Variants in CRACDL observed in about 807,000 individuals in gnomAD.
CRACDL encodes CRACD like.
In CRACDL, 26 loss-of-function variants were observed where a neutral mutation model predicts 70.6. The ratio of observed to expected loss-of-function variants is 0.37; its 90% confidence interval spans 0.27 to 0.51. The LOEUF (loss-of-function observed/expected upper bound fraction) is 0.51, where lower values mean the gene tolerates loss of function less well. Ranked by LOEUF, CRACDL falls within the 20% of genes least tolerant of loss-of-function variation. CRACDL has a pLI of 0.94. For synonymous variants in CRACDL, 618 were observed against 615.2 expected, an observed-to-expected ratio of 1.00 and a Z score of -0.07; for missense variants, 1,283 against 1,376.9, an observed-to-expected ratio of 0.93 and a Z score of 1.08.
intron 7 of CRACDL, among the ~76,000 whole-genome samples, chr2:98,812,098 C>G (rs961879010): frequency 6.6e-6 from 1 of 152,226 alleles, no homozygotes; most frequent in Non-Finnish European, 1.5e-5. Context: ...GCCTCAGCCT[C>G]CCAAGTTGCT....
chr2:98,825,330 G>A (rs1280697016), intron 6 of CRACDL, among the ~76,000 whole-genome samples: 1 of 152,218 alleles, frequency 6.6e-6, no homozygotes, highest in Non-Finnish European at 1.5e-5. Context: ...ATCAAGGAAA[G>A]GCTGTTTACC....
intron 7 of CRACDL, among the ~76,000 whole-genome samples, chr2:98,798,298 T>C (rs1703918905): frequency 1.3e-5 from 2 of 151,754 alleles, no homozygotes; most frequent in Non-Finnish European, 2.9e-5. Flanking sequence ...TGAGCTGAGA[T>C]CACGCCATTG....
intron 1 of CRACDL, among the ~76,000 whole-genome samples, chr2:98,906,639 C>G (rs1708425174): frequency 6.6e-6 from 1 of 152,188 alleles, no homozygotes; most frequent in Non-Finnish European, 1.5e-5. Flanking sequence ...TCTTAAATTG[C>G]CACTTCTCTG....
intron 3 of CRACDL, among the ~76,000 whole-genome samples, 170 bp downstream of exon 3, chr2:98,837,949 C>G (rs928286213): frequency 6.6e-6 from 1 of 152,150 alleles, no homozygotes; most frequent in Non-Finnish European, 1.5e-5. Context: ...TAAACACACA[C>G]AGCATTCTCC....
At chr2:98,807,070 C>T (rs922448045) in intron 7 of CRACDL, among the ~76,000 whole-genome samples, 1 of 152,156 alleles carries the variant, frequency 6.6e-6, no homozygotes, top group Non-Finnish European at 1.5e-5. Context: ...TTCATAATGA[C>T]CCTCACAGCC....
intron 1 of CRACDL, among the ~76,000 whole-genome samples, chr2:98,910,144 G>A (rs1220729064): frequency 1.3e-5 from 2 of 152,108 alleles, no homozygotes; most frequent in Admixed American, 1.3e-4. Context: ...TACCAAGGGG[G>A]CTGTGAGCTG....
intron 1 of CRACDL, among the ~76,000 whole-genome samples, chr2:98,881,022 C>T (rs935666965): frequency 2.6e-5 from 4 of 152,178 alleles, no homozygotes; most frequent in East Asian, 1.9e-4. Flanking sequence ...TGGCTATCAG[C>T]GCCACTGCAG....
At chr2:98,929,739 T>C (rs1709023599) in intron 1 of CRACDL, among the ~76,000 whole-genome samples, 1 of 152,054 alleles carries the variant, frequency 6.6e-6, no homozygotes, top group Non-Finnish European at 1.5e-5. Context: ...TTTGTCAAAT[T>C]GTTTGGGAAC....
At chr2:98,898,597 C>T (rs1708188031) in intron 1 of CRACDL, among the ~76,000 whole-genome samples, 3 of 152,222 alleles carry the variant, frequency 2.0e-5, no homozygotes, top group Non-Finnish European at 4.4e-5. Flanking sequence ...GGCCTGCCCT[C>T]GTCTGCCCAG....
intron 1 of CRACDL, among the ~76,000 whole-genome samples, chr2:98,878,839 C>T (rs1316146979): frequency 6.6e-6 from 1 of 152,178 alleles, no homozygotes; most frequent in Non-Finnish European, 1.5e-5. Flanking sequence ...GGCTTTCATA[C>T]CATCGTGAAG....
chr2:98,822,049 G>C lies in CRACDL; in HGVS notation c.2224C>G (p.Pro742Ala), dbSNP rs1316764318. Residue 742 changes from proline (P) to alanine (A), a missense_variant, in exon 7 of 10, where the codon CCC becomes GCC. Pro to Ala is a conservative substitution (Grantham distance 27, BLOSUM62 -1). Around this residue, in one of 2 missense-constraint regions of CRACDL, gnomAD observed 921 missense variants for 881.9 expected, o/e 1.04. Coordinates refer to ENST00000397899, the MANE Select transcript of CRACDL (RefSeq NM_207362.3). This position sits in a 1 kb window ranked among gnomAD's most constrained non-coding sequence, Gnocchi z 4.9. ...TAPALRGTRAPSDQGKGKARP... is the reference protein window; with the variant it reads ...TAPALRGTRAASDQGKGKARP... Reference sequence around the variant, plus strand: ...GCCTTCCCCTTTCCTTGGTCGCTGGGGGCCCTGGTGCCTCGAAGGGCGGGG... The same window carrying C: ...GCCTTCCCCTTTCCTTGGTCGCTGGCGGCCCTGGTGCCTCGAAGGGCGGGG... 6.5e-7 allele frequency: 1 copy of C among 1,547,192 alleles called. No homozygotes were observed.
chr2:98,875,825 A>G (rs898144755), intron 1 of CRACDL, among the ~76,000 whole-genome samples: 1 of 152,244 alleles, frequency 6.6e-6, no homozygotes. Context: ...CCTGTCAGCT[A>G]ATGAGATTAC....
intron 7 of CRACDL, among the ~76,000 whole-genome samples, chr2:98,817,343 A>T (rs1447103974): frequency 6.6e-6 from 1 of 152,194 alleles, no homozygotes; most frequent in Non-Finnish European, 1.5e-5. Context: ...TAAGAGGGTC[A>T]ATCTCATGTT....
chr2:98,869,165 A>G, intron 1 of CRACDL: 1 of 1,304,350 alleles, frequency 7.7e-7, no homozygotes, highest in African/African-American at 1.5e-5. Flanking sequence ...CCTGGAAGCT[A>G]GCAGCAGGGA....
At chr2:98,929,648 A>G (rs1558644572) in intron 1 of CRACDL, among the ~76,000 whole-genome samples, 1 of 152,134 alleles carries the variant, frequency 6.6e-6, no homozygotes, top group African/African-American at 2.4e-5. Flanking sequence ...CCCCATCTGG[A>G]TGGGATGATG....
chr2:98,854,252 G>T (rs1372410105), intron 1 of CRACDL, among the ~76,000 whole-genome samples: 2 of 134,920 alleles, frequency 1.5e-5, no homozygotes, highest in Non-Finnish European at 3.1e-5. Context: ...TTGCACTCCA[G>T]CCTGGTGAGA....
intron 6 of CRACDL, among the ~76,000 whole-genome samples, chr2:98,824,250 C>G (rs1705214295): frequency 6.6e-6 from 1 of 152,144 alleles, no homozygotes. Flanking sequence ...GTGCCAGACA[C>G]TTGGTCTGAG....
chr2:98,891,611 C>T (rs964790354), intron 1 of CRACDL, among the ~76,000 whole-genome samples: 1 of 152,004 alleles, frequency 6.6e-6, no homozygotes, highest in Non-Finnish European at 1.5e-5. Flanking sequence ...CAATCTAAGA[C>T]AGTTATAACA....
At chr2:98,882,948 A>G (rs1356155628) in intron 1 of CRACDL, among the ~76,000 whole-genome samples, 1 of 152,178 alleles carries the variant, frequency 6.6e-6, no homozygotes, top group East Asian at 1.9e-4. Context: ...TGACTTTTCA[A>G]CAGCTCAGTA....
Sources: gnomAD v4.1 joint callset for allele counts (sites outside exome capture counted in the v4.1 genomes callset) on GRCh38, gnomAD v4.1.1 for gene constraint, gnomAD v4.1.1 regional missense constraint, Gnocchi (gnomAD v3.1) non-coding constraint, MANE v1.5 for transcripts, NCBI Gene and HGNC (gene_info 2026-07-23, HGNC 2026-07-21) for gene names.